LINC00237: variants seen among roughly 807,000 people sequenced by gnomAD.
The protein encoded by LINC00237 is long independently transcribed non-coding RNA 237, also known as long intergenic non-protein coding RNA 237.
intron 3 of LINC00237, among the ~76,000 whole-genome samples, chr20:21,086,582 A>C (rs1029124386): frequency 8.8e-6 from 1 of 114,026 alleles, no homozygotes; most frequent in Non-Finnish European, 1.8e-5. Context: ...TATAGTGTAT[A>C]TATAGTATAC....
At chr20:21,103,577 TG>T (rs1409057479) in intron 1 of LINC00237, among the ~76,000 whole-genome samples, 1 of 152,242 alleles carries the variant, frequency 6.6e-6, no homozygotes, top group Non-Finnish European at 1.5e-5. Context: ...TGAAATCAAA[TG>T]ATCCTATTTC....
chr20:21,097,307 T>C (rs988322526), intron 1 of LINC00237, among the ~76,000 whole-genome samples: 11 of 152,186 alleles, frequency 7.2e-5, no homozygotes, highest in Non-Finnish European at 5.9e-5. Flanking sequence ...AACTTTTACA[T>C]GCTAACCTGA....
In LINC00237 at chr20:21,089,105, T is replaced by C. The variant is rs910928119; in HGVS notation, n.473-1075A>G. 2.4e-4 allele frequency among the ~76,000 whole-genome samples: 36 copies of C among 151,686 alleles called. No homozygotes were observed. In the Admixed American group the frequency reaches 2.4e-3, roughly 10 times the overall value. On this transcript the variant is annotated intron_variant and non_coding_transcript_variant, in intron 2 of 3. Transcript: ENST00000691244. ...AGGTGTGCCCGTGTATGTGTGTGCATGTGTGTAAGATTTAACCTTTTTCTC... is the reference window on the plus strand; with the variant it reads ...AGGTGTGCCCGTGTATGTGTGTGCACGTGTGTAAGATTTAACCTTTTTCTC...
chr20:21,088,979 G>A (rs546288327), intron 2 of LINC00237, among the ~76,000 whole-genome samples: 91 of 151,918 alleles, frequency 6.0e-4, no homozygotes, highest in African/African-American at 2.0e-3. Context: ...AGATTGTAGC[G>A]ACCCCAATTT....
Position 21,100,440 on chromosome 20 carries a change from G to A in LINC00237, n.88+5831C>T, listed in dbSNP as rs553039721. ...GCGATTCGAAGGGAGTGGCGTTTCC[G>A]CAAACTGCATCGCTAGGGGCCCGGC... On this transcript the variant is annotated intron_variant and non_coding_transcript_variant, in intron 1 of 3. Transcript: ENST00000691244. Among the ~76,000 whole-genome samples the A allele has an allele frequency of 7.2e-5, 11 of 152,358 alleles. No individual in the cohort carries two copies. In the East Asian group the frequency reaches 1.9e-3, roughly 27 times the overall value.
intron 1 of LINC00237, among the ~76,000 whole-genome samples, chr20:21,103,266 T>A (rs1469095398): frequency 2.0e-5 from 3 of 152,216 alleles, no homozygotes; most frequent in Non-Finnish European, 4.4e-5. Context: ...AAGCGCTTCC[T>A]TGGGGTGGCT....
At chr20:21,089,071 G>A (rs1025394981) in intron 2 of LINC00237, among the ~76,000 whole-genome samples, 7 of 151,796 alleles carry the variant, frequency 4.6e-5, no homozygotes, top group Non-Finnish European at 1.0e-4. Context: ...CATTGTCACA[G>A]TGAGGAGTAG....
chr20:21,086,813 G>C (rs2030714239), intron 3 of LINC00237, among the ~76,000 whole-genome samples: 1 of 120,258 alleles, frequency 8.3e-6, no homozygotes, highest in Non-Finnish European at 1.6e-5. Flanking sequence ...TATATGTATA[G>C]TATACATATA....
At chr20:21,085,710 G>A (rs1304943903) in exon 4 of LINC00237, among the ~76,000 whole-genome samples, 1 of 152,168 alleles carries the variant, frequency 6.6e-6, no homozygotes, top group African/African-American at 2.4e-5. Flanking sequence ...TGATGCTGCT[G>A]ATGTTTTTTT....
At chr20:21,089,338 C>T (rs1225725424) in intron 2 of LINC00237, among the ~76,000 whole-genome samples, 3 of 151,824 alleles carry the variant, frequency 2.0e-5, no homozygotes, top group Non-Finnish European at 4.4e-5. Flanking sequence ...GTGCTGATAT[C>T]CTTGATGTCT....
At chr20:21,103,868 G>C (rs1038451913) in intron 1 of LINC00237, among the ~76,000 whole-genome samples, 1 of 152,144 alleles carries the variant, frequency 6.6e-6, no homozygotes, top group Admixed American at 6.5e-5. Flanking sequence ...CTTGTGGACG[G>C]GGGTATAAGA....
At chr20:21,094,562 A>C (rs372010890) in intron 1 of LINC00237, among the ~76,000 whole-genome samples, 1 of 152,104 alleles carries the variant, frequency 6.6e-6, no homozygotes, top group Non-Finnish European at 1.5e-5. Flanking sequence ...GGAGATTTGA[A>C]TAAGTGGAAA....
intron 2 of LINC00237, among the ~76,000 whole-genome samples, chr20:21,092,632 C>A (rs1354276749): frequency 6.6e-6 from 1 of 152,104 alleles, no homozygotes; most frequent in Non-Finnish European, 1.5e-5. Flanking sequence ...CCAAAAGATT[C>A]TTTTCAATTA....
intron 2 of LINC00237, among the ~76,000 whole-genome samples, chr20:21,088,285 T>C (rs1429264718): frequency 1.3e-5 from 2 of 152,236 alleles, no homozygotes; most frequent in Non-Finnish European, 2.9e-5. Flanking sequence ...TCCTCCACCC[T>C]AGTCTACCTA....
chr20:21,097,300 T>C (rs1198939466), intron 1 of LINC00237, among the ~76,000 whole-genome samples: 2 of 152,158 alleles, frequency 1.3e-5, no homozygotes, highest in African/African-American at 4.8e-5. Context: ...TATTCATAAC[T>C]TTTACATGCT....
Position 21,095,838 on chromosome 20 carries a change from T to C in LINC00237, n.89-1986A>G, listed in dbSNP as rs1383029024. On this transcript the variant is annotated intron_variant and non_coding_transcript_variant, in intron 1 of 3. Transcript: ENST00000691244. ...TTTTCTTGGCCCCTGAAGCTCACTC[T>C]GCTTATGCAACAGGCCAGAAGTGCT... Among the ~76,000 whole-genome samples, 4 of 152,334 alleles carry C rather than the reference T, an allele frequency of 2.6e-5. No homozygotes were observed. In the East Asian group the frequency reaches 7.7e-4, roughly 29 times the overall value.
chr20:21,102,846 G>T (rs933925837), intron 1 of LINC00237, among the ~76,000 whole-genome samples: 1 of 152,230 alleles, frequency 6.6e-6, no homozygotes, highest in South Asian at 2.1e-4. Context: ...AATGTCTGTG[G>T]TGATGGGTGT....
At chr20:21,099,793 G>C (rs1201211896) in intron 1 of LINC00237, among the ~76,000 whole-genome samples, 1 of 152,126 alleles carries the variant, frequency 6.6e-6, no homozygotes, top group Non-Finnish European at 1.5e-5. Context: ...GAGGACTCCG[G>C]GAGACACTGC....
At chr20:21,095,576 C>T (rs113852551) in intron 1 of LINC00237, among the ~76,000 whole-genome samples, 106 of 152,074 alleles carry the variant, frequency 7.0e-4, no homozygotes, top group Middle Eastern at 3.2e-3. Flanking sequence ...ATTAGGGAGC[C>T]CTAAATTGGA....
Sources: allele counts gnomAD v4.1 joint callset (sites outside exome capture counted in the v4.1 genomes callset), GRCh38; gene constraint gnomAD v4.1.1; transcripts MANE v1.5; gene names NCBI Gene and HGNC (gene_info 2026-07-23, HGNC 2026-07-21).